RERE: variants seen among roughly 807,000 people sequenced by gnomAD.
The protein encoded by RERE is arginine-glutamic acid dipeptide repeats protein.
A neutral mutation model predicts 146.1 loss-of-function variants in RERE; 40 were observed. That is an observed-to-expected ratio of 0.27 (90% CI 0.21 to 0.36). The LOEUF (loss-of-function observed/expected upper bound fraction) is 0.36. Among genes scored for constraint, RERE ranks in the 10% least tolerant of loss-of-function variants. The pLI, the probability that RERE is intolerant of heterozygous loss-of-function variation, is 1.00. For synonymous variants in RERE, 1,003 were observed against 866.0 expected (o/e 1.16, Z -2.78); for missense variants, 1,933 against 2,138.7 (o/e 0.90, Z 1.90).
chr1:8,776,775 G>C (rs987124552), intron 1 of RERE, among the ~76,000 whole-genome samples: 2 of 152,006 alleles, frequency 1.3e-5, no homozygotes, highest in Non-Finnish European at 2.9e-5. Context: ...CTGGAGTGCA[G>C]TGGCACCATC....
chr1:8,383,626 T>TG (rs1456802763), intron 12 of RERE, among the ~76,000 whole-genome samples: 1 of 152,196 alleles, frequency 6.6e-6, no homozygotes, highest in Non-Finnish European at 1.5e-5. Context: ...TTTGGGAGGC[T>TG]GAGGTGGGTG....
chr1:8,423,724 C>A lies in RERE; in HGVS notation c.1204-917G>T, dbSNP rs961420405. ...GCTCGGCGTGTGACCGCGGCGGGGC[C>A]GCGCGGCGCGGGGCCCGGGGGGCGC... On this transcript the variant is annotated intron_variant, in intron 11 of 22. Coordinates refer to ENST00000400908, the MANE Select transcript of RERE (RefSeq NM_001042681.2). This position sits in a 1 kb window ranked among gnomAD's most constrained non-coding sequence, Gnocchi z 5.4. The A allele has an allele frequency of 1.0e-6, 1 of 979,014 alleles. No homozygotes were observed. The highest frequency in any genetic ancestry group is 1.2e-6 in the Non-Finnish European group (1 of 826,842). The allele number at this position is 979,014 out of a possible 1,614,324, so 60.6% of individuals were successfully genotyped here.
At chr1:8,474,860 C>A (rs1170482441) in intron 10 of RERE, among the ~76,000 whole-genome samples, 2 of 152,096 alleles carry the variant, frequency 1.3e-5, no homozygotes, top group African/African-American at 4.8e-5. Flanking sequence ...TGCATTCAGG[C>A]TAATTAAATA....
chr1:8,647,235 T>C (rs914089766), intron 2 of RERE, among the ~76,000 whole-genome samples: 2 of 152,194 alleles, frequency 1.3e-5, no homozygotes. Flanking sequence ...CACATTGTGT[T>C]TCCTCCCAAA....
intron 7 of RERE, among the ~76,000 whole-genome samples, chr1:8,529,995 T>C (rs1039319888): frequency 6.6e-6 from 1 of 152,166 alleles, no homozygotes; most frequent in African/African-American, 2.4e-5. Context: ...GGGCTGCCTG[T>C]GTACTGATGC....
At chr1:8,462,948 AG>A (rs1374616158) in intron 11 of RERE, among the ~76,000 whole-genome samples, 1 of 152,174 alleles carries the variant, frequency 6.6e-6, no homozygotes, top group East Asian at 1.9e-4. Flanking sequence ...GGAGGAAAAA[AG>A]GGGGAGGTAG....
intron 1 of RERE, among the ~76,000 whole-genome samples, chr1:8,746,876 AAGAGAG>A (rs201913344): frequency 2.9e-3 from 416 of 145,380 alleles, no homozygotes; most frequent in African/African-American, 9.4e-3. Flanking sequence ...GGGAACAAAA[AAGAGAG>A]AGAGAGAGAG....
At chr1:8,419,361 C>G (rs1643860603) in intron 12 of RERE, among the ~76,000 whole-genome samples, 1 of 152,132 alleles carries the variant, frequency 6.6e-6, no homozygotes, top group Non-Finnish European at 1.5e-5. Flanking sequence ...GCAATAAACA[C>G]CAGAAACCAA....
At chr1:8,550,935 G>T (rs1057467951) in intron 6 of RERE, among the ~76,000 whole-genome samples, 3 of 152,198 alleles carry the variant, frequency 2.0e-5, no homozygotes, top group African/African-American at 4.8e-5. Context: ...ACATATACAT[G>T]AACCTAGTTG....
intron 10 of RERE, among the ~76,000 whole-genome samples, chr1:8,480,137 T>G (rs1239271617): frequency 1.0e-5 from 1 of 100,444 alleles, no homozygotes; most frequent in Non-Finnish European, 1.8e-5. Context: ...TGTTTTTTTT[T>G]TTTTTGTTTT....
At chr1:8,641,015 A>G (rs1398462749) in intron 2 of RERE, among the ~76,000 whole-genome samples, 4 of 152,252 alleles carry the variant, frequency 2.6e-5, no homozygotes, top group Non-Finnish European at 5.9e-5. Flanking sequence ...GTAATTTAAC[A>G]AACAAAATAC....
chr1:8,739,907 G>A (rs373183169), intron 1 of RERE, among the ~76,000 whole-genome samples: 9 of 151,248 alleles, frequency 6.0e-5, no homozygotes, highest in Admixed American at 1.3e-4. Context: ...TAATCCCCCC[G>A]TCCAGTTTTA....
chr1:8,360,396 G>A lies in RERE; in HGVS notation c.3111C>T (p.His1037=), dbSNP rs1006002943. 2.9e-6 allele frequency: 4 copies of A among 1,397,938 alleles called. No homozygotes were observed. Among genetic ancestry groups the A allele is most frequent in the Non-Finnish European group, 3.7e-6 (4 of 1,077,072 alleles). The allele number at this position is 1,397,938 out of a possible 1,614,324, so 86.6% of individuals were successfully genotyped here. A position where few individuals can be genotyped will look rare whatever the true frequency, so the allele number is the denominator to read the frequency against. Reference sequence around the variant, plus strand: ...GAGGAGGGCCTCCAGGGACAAAGGGGTGCTGAGCAAACGGGGGTTGGGGGG... The same window carrying A: ...GAGGAGGGCCTCCAGGGACAAAGGGATGCTGAGCAAACGGGGGTTGGGGGG... The part of the protein sequence containing the change: ...QVAPQPPFAQ[H]PFVPGGPPPI... The change falls in exon 18 of 23, where the codon CAC becomes CAT. Residue 1037 remains histidine, a synonymous_variant. Coordinates refer to ENST00000400908, the MANE Select transcript of RERE (RefSeq NM_001042681.2).
intron 4 of RERE, among the ~76,000 whole-genome samples, chr1:8,584,133 C>T (rs189193980): frequency 7.3e-4 from 111 of 151,236 alleles, no homozygotes; most frequent in Admixed American, 7.0e-3. Context: ...AGACTAAACC[C>T]GAAGCAATAT....
At chr1:8,542,829 A>G (rs916926030) in intron 6 of RERE, among the ~76,000 whole-genome samples, 6 of 152,178 alleles carry the variant, frequency 3.9e-5, no homozygotes, top group East Asian at 1.9e-4. Flanking sequence ...TTTAAATTAA[A>G]TAACAATGCT....
chr1:8,729,238 T>A (rs1158849751), intron 1 of RERE, among the ~76,000 whole-genome samples: 27 of 142,272 alleles, frequency 1.9e-4, no homozygotes, highest in East Asian at 4.1e-4. Context: ...TTTTTTTTTT[T>A]ATTGAGATGG....
intron 20 of RERE, among the ~76,000 whole-genome samples, chr1:8,357,281 C>T (rs1052937114): frequency 6.6e-6 from 1 of 152,220 alleles, no homozygotes; most frequent in African/African-American, 2.4e-5. Flanking sequence ...CTCAACACTG[C>T]TCATACTGAG....
At position 8,358,821 on chromosome 1, in the gene RERE, G is replaced by A. The variant is rs1641419873; in HGVS notation, c.3714C>T (p.Thr1238=). The change falls in exon 20 of 23, where the codon ACC becomes ACT. Residue 1238 remains threonine (T), a synonymous_variant. Coordinates refer to ENST00000400908, the MANE Select transcript of RERE (RefSeq NM_001042681.2). ...MRPSFEPPPT[T]IAAVPPYIGP... ...CGATGTAGGGGGGCACAGCAGCAAT[G>A]GTGGTTGGTGGTGGCTCGAAGGATG... The A allele has an allele frequency of 1.2e-6, 2 of 1,610,854 alleles. No individual in the cohort carries two copies. Among genetic ancestry groups the A allele is most frequent in the African/African-American group, 1.3e-5 (1 of 75,020 alleles).
intron 11 of RERE, among the ~76,000 whole-genome samples, chr1:8,450,547 C>T (rs148758813): frequency 9.2e-5 from 14 of 152,264 alleles, no homozygotes; most frequent in African/African-American, 3.4e-4. Context: ...CCTCGCACGA[C>T]GTCCCCTAGA....
Sources: allele counts gnomAD v4.1 joint callset (sites outside exome capture counted in the v4.1 genomes callset), GRCh38; gene constraint gnomAD v4.1.1; non-coding constraint Gnocchi (gnomAD v3.1); transcripts MANE v1.5; gene names NCBI Gene and HGNC (gene_info 2026-07-23, HGNC 2026-07-21).